The following CLSTN1 variants were observed in gnomAD, a reference collection of about 807,000 sequenced individuals.
The protein encoded by CLSTN1 is calsyntenin 1.
Under a neutral mutation model 108.3 loss-of-function variants are expected in CLSTN1, and 28 were observed. The ratio of observed to expected loss-of-function variants is 0.26; its 90% confidence interval spans 0.19 to 0.35. CLSTN1 has a LOEUF of 0.35. Ranked by LOEUF, CLSTN1 falls within the 10% of genes least tolerant of loss-of-function variation. The probability of loss-of-function intolerance (pLI) is 1.00; values close to 1 mark genes in which losing one functional copy is unlikely to be tolerated. For synonymous variants in CLSTN1, 524 were observed against 534.9 expected, an observed-to-expected ratio of 0.98 and a Z score of 0.28; for missense variants, 1,157 against 1,302.6, an observed-to-expected ratio of 0.89 and a Z score of 1.72.
intron 2 of CLSTN1, among the ~76,000 whole-genome samples, chr1:9,763,251 T>C (rs1027534196): frequency 1.3e-5 from 2 of 152,094 alleles, no homozygotes; most frequent in African/African-American, 2.4e-5. Context: ...TGTGAACCAC[T>C]GCACCCGGCC....
At chr1:9,735,323 A>G (rs998169964) in intron 13 of CLSTN1, 144 bp downstream of exon 13, 30 of 1,387,086 alleles carry the variant, frequency 2.2e-5, no homozygotes, top group Admixed American at 1.9e-4. Context: ...AGATGCGTAA[A>G]TATCACTCAG....
chr1:9,770,417 C>T (rs979950793), intron 2 of CLSTN1, among the ~76,000 whole-genome samples: 6 of 152,152 alleles, frequency 3.9e-5, no homozygotes, highest in East Asian at 1.9e-4. Context: ...TAACACTCGG[C>T]GTACATTTCA....
At chr1:9,743,462 A>T (rs1353245879) in intron 9 of CLSTN1, among the ~76,000 whole-genome samples, 1 of 152,206 alleles carries the variant, frequency 6.6e-6, no homozygotes, top group Non-Finnish European at 1.5e-5. Context: ...CCAGCTACTC[A>T]TAAAATTATA....
At chr1:9,732,523 T>C (rs994132680) in intron 16 of CLSTN1, among the ~76,000 whole-genome samples, 1 of 152,146 alleles carries the variant, frequency 6.6e-6, no homozygotes, top group South Asian at 2.1e-4. Flanking sequence ...CTGCCATGGA[T>C]TTCCTTTCAT....
chr1:9,761,383 C>T (rs1320109955), intron 2 of CLSTN1, among the ~76,000 whole-genome samples: 1 of 152,034 alleles, frequency 6.6e-6, no homozygotes, highest in Non-Finnish European at 1.5e-5. Flanking sequence ...GTCCCGGCTA[C>T]TTGGGAGCCT....
chr1:9,768,216 T>C (rs1307385384), intron 2 of CLSTN1, among the ~76,000 whole-genome samples: 1 of 117,288 alleles, frequency 8.5e-6, no homozygotes. Context: ...GGGGTTGTCC[T>C]GGACGGCACC....
intron 1 of CLSTN1, among the ~76,000 whole-genome samples, chr1:9,792,699 G>A (rs973593686): frequency 5.3e-5 from 8 of 151,396 alleles, no homozygotes; most frequent in Non-Finnish European, 8.8e-5. Flanking sequence ...GAGAGGATGC[G>A]TGAAGATGGG....
chr1:9,754,380 T>C (rs1184563636), intron 4 of CLSTN1, among the ~76,000 whole-genome samples: 2 of 149,484 alleles, frequency 1.3e-5, no homozygotes, highest in Middle Eastern at 3.3e-3. Flanking sequence ...GCCAACATGG[T>C]GAAACCCGTC....
At position 9,751,019 on chromosome 1, in the gene CLSTN1, C is replaced by T. The variant is rs147364348; in HGVS notation, c.649+454G>A. On this transcript the variant is annotated intron_variant, in intron 5 of 18. Coordinates refer to ENST00000377298, the MANE Select transcript of CLSTN1 (RefSeq NM_001009566.3). Reference sequence around the variant, plus strand: ...GGCAGAGGTTGCAGTGAGCTGAGATCGCACCACTGTACTCCAGCCTGGGGA... The same window carrying T: ...GGCAGAGGTTGCAGTGAGCTGAGATTGCACCACTGTACTCCAGCCTGGGGA... Among the ~76,000 whole-genome samples the T allele has an allele frequency of 7.9e-3, 1,200 of 151,212 alleles. 13 individuals carry two copies. The highest frequency in any genetic ancestry group is 0.027 in the African/African-American group (1,113 of 41,060).
At chr1:9,822,986 T>C (rs986656782) in intron 1 of CLSTN1, among the ~76,000 whole-genome samples, 1 of 152,142 alleles carries the variant, frequency 6.6e-6, no homozygotes, top group African/African-American at 2.4e-5. Context: ...ATTTCACCTT[T>C]GGGTGAAAAG....
intron 11 of CLSTN1, 94 bp from the exon 12 acceptor site, chr1:9,736,136 C>G: frequency 1.4e-6 from 2 of 1,478,144 alleles, no homozygotes; most frequent in Non-Finnish European, 1.9e-6. Flanking sequence ...GTGCTGGCAG[C>G]TCAGTGGATG....
chr1:9,801,559 G>A (rs1036617210), intron 1 of CLSTN1, among the ~76,000 whole-genome samples: 7 of 152,082 alleles, frequency 4.6e-5, no homozygotes, highest in East Asian at 1.9e-4. Context: ...ATTATTGTTC[G>A]TTTGTTTTTG....
At chr1:9,771,697 G>A (rs1039581127) in intron 2 of CLSTN1, among the ~76,000 whole-genome samples, 12 of 152,102 alleles carry the variant, frequency 7.9e-5, no homozygotes, top group Admixed American at 3.3e-4. Context: ...ACGGCATGGG[G>A]TACTGCCTCT....
intron 16 of CLSTN1, among the ~76,000 whole-genome samples, chr1:9,732,808 G>A (rs982021676): frequency 6.6e-6 from 1 of 152,180 alleles, no homozygotes; most frequent in African/African-American, 2.4e-5. Flanking sequence ...TCTCAACCTG[G>A]GCCGAGGACT....
At position 9,757,328 on chromosome 1, in the gene CLSTN1, G is replaced by A. The variant is rs191712507; in HGVS notation, c.215-818C>T. ...GTGATCTCGGCTCACTGCAAGCTCCGCCTCCCTGGTTCACGCCATTCTCCT... is the reference window on the plus strand; with the variant it reads ...GTGATCTCGGCTCACTGCAAGCTCCACCTCCCTGGTTCACGCCATTCTCCT... On this transcript the variant is annotated intron_variant, in intron 2 of 18. Coordinates refer to ENST00000377298, the MANE Select transcript of CLSTN1 (RefSeq NM_001009566.3). 4.1e-3 allele frequency among the ~76,000 whole-genome samples: 601 copies of A among 147,976 alleles called. 22 individuals are homozygous for A. The highest frequency in any genetic ancestry group is 0.035 in the Admixed American group (510 of 14,598).
chr1:9,769,220 C>A (rs996322610), intron 2 of CLSTN1, among the ~76,000 whole-genome samples: 3 of 151,748 alleles, frequency 2.0e-5, no homozygotes, highest in African/African-American at 7.3e-5. Context: ...CTCCCTCCCC[C>A]CCATGCAGCT....
intron 7 of CLSTN1, among the ~76,000 whole-genome samples, chr1:9,745,426 GCA>G (rs1348172480): frequency 6.6e-6 from 1 of 152,132 alleles, no homozygotes; most frequent in Non-Finnish European, 1.5e-5. Context: ...GGAGGCCAAG[GCA>G]CACAGATTGC....
chr1:9,816,230 A>G (rs1654963808), intron 1 of CLSTN1, among the ~76,000 whole-genome samples: 1 of 152,214 alleles, frequency 6.6e-6, no homozygotes, highest in African/African-American at 2.4e-5. Context: ...CCTTGAAGAC[A>G]TCATATTAAG....
chr1:9,811,529 G>C (rs1654754889), intron 1 of CLSTN1, among the ~76,000 whole-genome samples: 1 of 151,594 alleles, frequency 6.6e-6, no homozygotes, highest in Admixed American at 6.6e-5. Context: ...GATTATCAAG[G>C]TCCCCTTCCA....
Sources: gnomAD v4.1 joint callset for allele counts (sites outside exome capture counted in the v4.1 genomes callset) on GRCh38, gnomAD v4.1.1 for gene constraint, MANE v1.5 for transcripts, NCBI Gene and HGNC (gene_info 2026-07-23, HGNC 2026-07-21) for gene names.